Variants in CTNNA2 observed in about 807,000 individuals in gnomAD.
The protein encoded by CTNNA2 is catenin alpha-2.
In CTNNA2, 42 loss-of-function variants were observed where a neutral mutation model predicts 101.0. The observed-to-expected ratio is 0.42, with a 90% CI of 0.32 to 0.54. CTNNA2 has a LOEUF of 0.54. Among genes scored for constraint, CTNNA2 ranks in the 20% least tolerant of loss-of-function variants. The pLI, the probability that CTNNA2 is intolerant of heterozygous loss-of-function variation, is 0.14. For synonymous variants in CTNNA2, 450 were observed against 456.4 expected, an observed-to-expected ratio of 0.99 and a Z score of 0.18; for missense variants, 871 against 1,223.1, an observed-to-expected ratio of 0.71 and a Z score of 4.29.
intron 7 of CTNNA2, among the ~76,000 whole-genome samples, chr2:80,190,493 C>T (rs1706424705): frequency 6.6e-6 from 1 of 152,242 alleles, no homozygotes; most frequent in Middle Eastern, 3.4e-3. Flanking sequence ...CTGTATGGCC[C>T]ATGTTCCACA....
intron 3 of CTNNA2, among the ~76,000 whole-genome samples, chr2:79,851,330 C>A (rs1309137611): frequency 1.3e-5 from 2 of 152,206 alleles, no homozygotes; most frequent in Non-Finnish European, 2.9e-5. Context: ...ACAGACTCTA[C>A]AAAATAATCA....
chr2:79,864,626 A>G (rs1313666761), intron 4 of CTNNA2, among the ~76,000 whole-genome samples: 3 of 152,234 alleles, frequency 2.0e-5, no homozygotes, highest in Non-Finnish European at 4.4e-5. Flanking sequence ...AGACAATGGC[A>G]GTGTTTATTG....
intron 3 of CTNNA2, among the ~76,000 whole-genome samples, chr2:79,786,491 T>A (rs976872247): frequency 2.0e-5 from 3 of 151,900 alleles, no homozygotes; most frequent in African/African-American, 7.3e-5. Flanking sequence ...GTAAAGATAT[T>A]TTTTTTTCTT....
chr2:80,440,404 C>A (rs1377329381), intron 9 of CTNNA2, among the ~76,000 whole-genome samples: 1 of 152,098 alleles, frequency 6.6e-6, no homozygotes, highest in Non-Finnish European at 1.5e-5. Flanking sequence ...CAAATGAGTT[C>A]CACAGTTTTA....
intron 6 of CTNNA2, among the ~76,000 whole-genome samples, chr2:79,897,806 T>A (rs888470584): frequency 1.3e-5 from 2 of 152,152 alleles, no homozygotes; most frequent in Non-Finnish European, 2.9e-5. Flanking sequence ...TGCCAGCATG[T>A]TTGGTTGTCT....
chr2:79,592,997 C>A (rs1676958680), intron 1 of CTNNA2, among the ~76,000 whole-genome samples: 1 of 152,140 alleles, frequency 6.6e-6, no homozygotes, highest in Admixed American at 6.5e-5. Context: ...AGCCAAGCTA[C>A]GCATAGTTTT....
At chr2:80,626,876 C>T (rs930447436) in intron 18 of CTNNA2, among the ~76,000 whole-genome samples, 1 of 151,942 alleles carries the variant, frequency 6.6e-6, no homozygotes, top group Non-Finnish European at 1.5e-5. Flanking sequence ...CCCCCTACCC[C>T]CTGACAGGCC....
chr2:80,287,830 G>T (rs1025568428), intron 7 of CTNNA2, among the ~76,000 whole-genome samples: 1 of 152,116 alleles, frequency 6.6e-6, no homozygotes, highest in Non-Finnish European at 1.5e-5. Flanking sequence ...GTCATCTCAT[G>T]ATATGTGCTT....
intron 12 of CTNNA2, among the ~76,000 whole-genome samples, chr2:80,573,525 C>T (rs1694783191): frequency 6.6e-6 from 1 of 152,120 alleles, no homozygotes; most frequent in Non-Finnish European, 1.5e-5. Context: ...TCCCCATCTT[C>T]CCTTGCTCCA....
At chr2:79,518,650 T>G (rs1039602032) in intron 1 of CTNNA2, among the ~76,000 whole-genome samples, 6 of 152,160 alleles carry the variant, frequency 3.9e-5, no homozygotes, top group Admixed American at 1.3e-4. Context: ...AAGCATTTGG[T>G]GAAAATTCAG....
chr2:80,383,735 G>A (rs1357501705), intron 7 of CTNNA2, among the ~76,000 whole-genome samples: 2 of 151,904 alleles, frequency 1.3e-5, no homozygotes, highest in African/African-American at 2.4e-5. Flanking sequence ...CATTATGAAG[G>A]GGAGACCAGA....
intron 3 of CTNNA2, among the ~76,000 whole-genome samples, chr2:79,845,724 A>G (rs754663213): frequency 6.6e-5 from 10 of 152,222 alleles, no homozygotes; most frequent in Non-Finnish European, 1.3e-4. Flanking sequence ...GCAGTTTGTC[A>G]TATTGGATTT....
chr2:79,626,239 G>C (rs1295392158), intron 1 of CTNNA2, among the ~76,000 whole-genome samples: 2 of 152,152 alleles, frequency 1.3e-5, no homozygotes, highest in Admixed American at 1.3e-4. Flanking sequence ...AATGTGCTCT[G>C]TTCTTAGATG....
chr2:80,473,230 A>G (rs72914975), intron 9 of CTNNA2, among the ~76,000 whole-genome samples: 4,718 of 152,270 alleles, frequency 0.031, 243 homozygotes, highest in African/African-American at 0.11. Flanking sequence ...TTGAGCTGGA[A>G]GCCAGATCAT....
chr2:80,641,456 TC>T (rs1315832004), intron 18 of CTNNA2, among the ~76,000 whole-genome samples: 2 of 152,176 alleles, frequency 1.3e-5, no homozygotes, highest in Admixed American at 1.3e-4. Context: ...GAACACACAG[TC>T]AAATCCTAAT....
chr2:79,537,558 C>T (rs538522323), intron 1 of CTNNA2, among the ~76,000 whole-genome samples: 20 of 152,198 alleles, frequency 1.3e-4, no homozygotes, highest in Admixed American at 3.3e-4. Flanking sequence ...CCTTGCAGAA[C>T]GGTTAAGGTA....
At chr2:79,557,537 T>G (rs560553496) in intron 1 of CTNNA2, among the ~76,000 whole-genome samples, 110 of 152,096 alleles carry the variant, frequency 7.2e-4, no homozygotes, top group Admixed American at 1.2e-3. Context: ...TTCTAATGGT[T>G]TCATTTCCAT....
At chr2:79,885,769 T>C (rs149733887) in intron 6 of CTNNA2, among the ~76,000 whole-genome samples, 1 of 152,326 alleles carries the variant, frequency 6.6e-6, no homozygotes, top group East Asian at 1.9e-4. Flanking sequence ...ATAATAATTA[T>C]CTCTGCTATG....
chr2:80,435,468 C>T (rs1372059956), intron 9 of CTNNA2, among the ~76,000 whole-genome samples: 1 of 152,060 alleles, frequency 6.6e-6, no homozygotes, highest in Non-Finnish European at 1.5e-5. Flanking sequence ...AAAAGATGCC[C>T]TAGTATTCTG....
Sources: gnomAD v4.1 joint callset for allele counts (sites outside exome capture counted in the v4.1 genomes callset) on GRCh38, gnomAD v4.1.1 for gene constraint, MANE v1.5 for transcripts, NCBI Gene and HGNC (gene_info 2026-07-23, HGNC 2026-07-21) for gene names.